ADCY9: variants seen among roughly 807,000 people sequenced by gnomAD.
ADCY9 encodes adenylate cyclase 9.
In ADCY9, 50 loss-of-function variants were observed where a neutral mutation model predicts 101.5. The ratio of observed to expected loss-of-function variants is 0.49; its 90% CI spans 0.39 to 0.62. The LOEUF (loss-of-function observed/expected upper bound fraction) is 0.62, where lower values mean the gene tolerates loss of function less well. Ranked by LOEUF, ADCY9 falls within the 20% of genes least tolerant of loss-of-function variation. The probability of loss-of-function intolerance (pLI) is 0.00; values close to 1 mark genes in which losing one functional copy is unlikely to be tolerated. For missense variants in ADCY9, 1,662 were observed against 1,800.4 expected (o/e 0.92, Z 1.39); for synonymous variants, 905 against 769.3 (o/e 1.18, Z -2.92).
At chr16:4,013,904 T>C (rs1353208751) in intron 2 of ADCY9, among the ~76,000 whole-genome samples, 2 of 152,248 alleles carry the variant, frequency 1.3e-5, no homozygotes, top group Non-Finnish European at 2.9e-5. Flanking sequence ...AAGTCCTTCC[T>C]ACTCATATGC....
At chr16:4,097,051 T>C (rs1043441555) in intron 2 of ADCY9, among the ~76,000 whole-genome samples, 2 of 152,156 alleles carry the variant, frequency 1.3e-5, no homozygotes, top group African/African-American at 4.8e-5. Flanking sequence ...ATTATTAAGA[T>C]AAATATACTT....
intron 2 of ADCY9, among the ~76,000 whole-genome samples, chr16:4,071,212 C>A (rs2056831518): frequency 6.6e-6 from 1 of 151,580 alleles, no homozygotes; most frequent in African/African-American, 2.4e-5. Context: ...TGTCTGTAAT[C>A]CTAGCTACTC....
intron 2 of ADCY9, among the ~76,000 whole-genome samples, chr16:4,012,593 T>C (rs1340412940): frequency 1.3e-5 from 2 of 152,078 alleles, no homozygotes; most frequent in Non-Finnish European, 1.5e-5. Context: ...ACAACAGCGA[T>C]GTCTTTTATC....
chr16:3,967,291 T>C (rs749655309), intron 10 of ADCY9, among the ~76,000 whole-genome samples: 2 of 152,118 alleles, frequency 1.3e-5, no homozygotes, highest in Non-Finnish European at 2.9e-5. Flanking sequence ...TGCCCAGCCC[T>C]GTAACTAACA....
chr16:4,113,578 G>C (rs1051683267), intron 2 of ADCY9, among the ~76,000 whole-genome samples, 172 bp downstream of exon 2: 1 of 152,252 alleles, frequency 6.6e-6, no homozygotes, highest in South Asian at 2.1e-4. Flanking sequence ...GAACAGATCT[G>C]TGATATTTGA....
chr16:4,030,276 G>A (rs1462362269), intron 2 of ADCY9, among the ~76,000 whole-genome samples: 1 of 152,130 alleles, frequency 6.6e-6, no homozygotes, highest in East Asian at 1.9e-4. Flanking sequence ...ATCAAGAGGA[G>A]GATCGATGGA....
Position 3,992,498 on chromosome 16 carries a change from A to C in ADCY9, c.1990-135T>G, listed in dbSNP as rs558051394. ...CGTGGGACTTTCTGACCTGCGAGGA[A>C]CCCCCACCCCCCTGCGCCTACAGAC... On this transcript the variant is annotated intron_variant, in intron 4 of 10. Transcript: ENST00000294016. The surrounding 1 kb of genome is among the most constrained non-coding windows in gnomAD (Gnocchi z 4.2). 2,458 of 747,860 alleles carry C rather than the reference A, an allele frequency of 3.3e-3. 41 individuals carry two copies. The African/African-American group carries it at 0.039, about 12-fold the overall frequency. 46.3% of individuals were successfully genotyped at this position (747,860 alleles called of 1,614,324 possible).
chr16:4,028,461 A>T (rs925592037), intron 2 of ADCY9, among the ~76,000 whole-genome samples: 1 of 152,224 alleles, frequency 6.6e-6, no homozygotes, highest in African/African-American at 2.4e-5. Flanking sequence ...ATACAGAAGA[A>T]CCTCAAAAAC....
At chr16:3,972,987 C>T (rs2056065542) in intron 10 of ADCY9, among the ~76,000 whole-genome samples, 1 of 152,116 alleles carries the variant, frequency 6.6e-6, no homozygotes, top group Non-Finnish European at 1.5e-5. Context: ...AAGCTGTAAT[C>T]ATCACTCATT....
At chr16:4,059,624 A>C (rs1465799080) in intron 2 of ADCY9, among the ~76,000 whole-genome samples, 1 of 152,094 alleles carries the variant, frequency 6.6e-6, no homozygotes, top group Non-Finnish European at 1.5e-5. Flanking sequence ...GCAGCTGGGC[A>C]TGGTGGCTCC....
chr16:4,013,411 A>C (rs2056416985), intron 2 of ADCY9, among the ~76,000 whole-genome samples: 1 of 152,112 alleles, frequency 6.6e-6, no homozygotes, highest in Admixed American at 6.5e-5. Context: ...ACAAGAGTGA[A>C]ACTCCGTCTC....
chr16:4,071,362 A>T (rs962835040), intron 2 of ADCY9, among the ~76,000 whole-genome samples: 483 of 131,316 alleles, frequency 3.7e-3, no homozygotes, highest in African/African-American at 0.013. Flanking sequence ...AAAAAAAAAA[A>T]AATCAAAAAA....
At chr16:4,078,669 G>T (rs182909157) in intron 2 of ADCY9, among the ~76,000 whole-genome samples, 2 of 151,972 alleles carry the variant, frequency 1.3e-5, no homozygotes, top group East Asian at 3.9e-4. Context: ...GATACTAAAG[G>T]TAGAAACCAT....
intron 3 of ADCY9, among the ~76,000 whole-genome samples, chr16:4,001,809 A>G (rs1327743027): frequency 2.0e-5 from 3 of 150,366 alleles, no homozygotes; most frequent in African/African-American, 7.4e-5. Flanking sequence ...GAGGGCAGTG[A>G]CATGATCTCA....
Position 4,096,521 on chromosome 16 carries a change from C to T in ADCY9, c.1693+17229G>A, listed in dbSNP as rs370309746. 4.6e-5 allele frequency among the ~76,000 whole-genome samples: 7 copies of T among 152,300 alleles called. No individual in the cohort carries two copies. The East Asian group carries it at 1.3e-3, about 29-fold the overall frequency. On this transcript the variant is annotated intron_variant, in intron 2 of 10. Coordinates refer to ENST00000294016, the MANE Select transcript of ADCY9 (RefSeq NM_001116.4). Reference sequence around the variant, plus strand: ...CCTTTCAGAAACCACCCTCACCACACCCAGTTTTTAGGCAGCTCATTCACA... The same window carrying T: ...CCTTTCAGAAACCACCCTCACCACATCCAGTTTTTAGGCAGCTCATTCACA...
At chr16:4,077,253 G>C (rs1302922905) in intron 2 of ADCY9, among the ~76,000 whole-genome samples, 1 of 152,132 alleles carries the variant, frequency 6.6e-6, no homozygotes, top group African/African-American at 2.4e-5. Context: ...TGCCTGCATG[G>C]AACAGCACAG....
chr16:3,999,735 T>C (rs186286465), intron 3 of ADCY9, among the ~76,000 whole-genome samples: 57 of 152,302 alleles, frequency 3.7e-4, no homozygotes, highest in Non-Finnish European at 4.3e-4. Context: ...CCGGATTATC[T>C]TTGCTCCTTC....
intron 2 of ADCY9, chr16:4,054,127 T>G (rs2141152706): frequency 6.6e-6 from 1 of 152,322 alleles, no homozygotes; most frequent in African/African-American, 2.4e-5. Context: ...GATTAGCGTC[T>G]GTTTTGTTCA....
intron 2 of ADCY9, among the ~76,000 whole-genome samples, chr16:4,023,009 G>A (rs969353648): frequency 2.6e-5 from 4 of 152,150 alleles, no homozygotes; most frequent in African/African-American, 7.2e-5. Flanking sequence ...ACTCAGAAAC[G>A]TCAAGAATCA....
Sources: allele counts gnomAD v4.1 joint callset (sites outside exome capture counted in the v4.1 genomes callset), GRCh38; gene constraint gnomAD v4.1.1; non-coding constraint Gnocchi (gnomAD v3.1); transcripts MANE v1.5; gene names NCBI Gene and HGNC (gene_info 2026-07-23, HGNC 2026-07-21).